Variants in TBC1D31 observed in about 807,000 individuals in gnomAD.
TBC1D31 encodes WD repeat domain 67.
Under a neutral mutation model 132.9 loss-of-function variants are expected in TBC1D31, and 99 were observed. The ratio of observed to expected loss-of-function variants is 0.74; its 90% CI spans 0.63 to 0.88. The LOEUF (loss-of-function observed/expected upper bound fraction) is 0.88. TBC1D31 is among the 40% of genes least tolerant of loss of function. The pLI, the probability that TBC1D31 is intolerant of heterozygous loss-of-function variation, is 0.00. For missense variants in TBC1D31, 1,134 were observed against 1,256.6 expected, an observed-to-expected ratio of 0.90 and a Z score of 1.48; for synonymous variants, 385 against 419.4, an observed-to-expected ratio of 0.92 and a Z score of 1.00.
intron 4 of TBC1D31, among the ~76,000 whole-genome samples, chr8:123,090,148 C>T (rs146577755): frequency 1.3e-5 from 2 of 152,254 alleles, no homozygotes; most frequent in East Asian, 3.9e-4. Context: ...CATGAACCTT[C>T]ATTTTAAATA....
chr8:123,086,477 CAG>C (rs1563676647), intron 4 of TBC1D31, among the ~76,000 whole-genome samples: 1 of 152,122 alleles, frequency 6.6e-6, no homozygotes. Context: ...AGGCTTTCTG[CAG>C]AGTCAGGCCT....
At chr8:123,152,494 C>T (rs1822867289), downstream of TBC1D31, among the ~76,000 whole-genome samples, 1 of 152,176 alleles carries the variant, frequency 6.6e-6, no homozygotes, top group Non-Finnish European at 1.5e-5. Flanking sequence ...CCTCCACTTC[C>T]TAGCTCCAGA....
At chr8:123,134,538 A>G (rs79026519) in intron 17 of TBC1D31, among the ~76,000 whole-genome samples, 52 of 152,148 alleles carry the variant, frequency 3.4e-4, no homozygotes, top group Middle Eastern at 3.4e-3. Context: ...CAAAAAAAAA[A>G]GAAGGAAAAA....
chr8:123,131,763 CT>C (rs67502069), intron 16 of TBC1D31, among the ~76,000 whole-genome samples: 41,954 of 151,718 alleles, frequency 0.28, 5,856 homozygotes, highest in Admixed American at 0.34. Flanking sequence ...ACAGTTTCAG[CT>C]GTTTTAAGTC....
In TBC1D31 at chr8:123,142,546, C is replaced by T. The variant is rs1038825315; in HGVS notation, c.2835+90C>T. 15 of 1,113,896 alleles carry T rather than the reference C, an allele frequency of 1.3e-5. No homozygotes were observed. In the Admixed American group the frequency reaches 2.1e-4, roughly 16 times the overall value. The allele number at this position is 1,113,896 out of a possible 1,614,324, so 69.0% of individuals were successfully genotyped here. A position where few individuals can be genotyped will look rare whatever the true frequency, so the allele number is the denominator to read the frequency against. ...AGAGTCTCACTTTGTTGTACAGCCTCGAAATTCAAACTCGGGGCCTTAAGC... is the reference window on the plus strand; with the variant it reads ...AGAGTCTCACTTTGTTGTACAGCCTTGAAATTCAAACTCGGGGCCTTAAGC... On this transcript the variant is annotated intron_variant, in intron 19 of 21. Transcript: ENST00000287380.
At chr8:123,141,844 CTTTTTTTTTTTTTTTTT>C (rs1160750679) in intron 18 of TBC1D31, among the ~76,000 whole-genome samples, 91 of 52,072 alleles carry the variant, frequency 1.7e-3, no homozygotes, top group African/African-American at 7.2e-3. Context: ...TTGAAGAGCT[CTTTTTTTTTTTTTTTTT>C]TTTTTTTTTT....
intron 11 of TBC1D31, among the ~76,000 whole-genome samples, chr8:123,124,683 T>TTGGGA (rs1819857915): frequency 6.6e-6 from 1 of 151,848 alleles, no homozygotes; most frequent in Non-Finnish European, 1.5e-5. Context: ...ATCCCAGCAC[T>TTGGGA]TGGGATGGCC....
chr8:123,134,570 C>T (rs951464783), intron 17 of TBC1D31, among the ~76,000 whole-genome samples: 13 of 151,974 alleles, frequency 8.6e-5, no homozygotes, highest in African/African-American at 3.1e-4. Flanking sequence ...TTTGTATAAG[C>T]CCATTTTAGA....
Position 123,084,274 on chromosome 8 carries a change from A to T in TBC1D31, c.453A>T (p.Leu151Phe). Residue 151 changes from leucine (L) to phenylalanine (F), a missense_variant, in exon 4 of 22, where the codon TTA (leucine) becomes TTT (phenylalanine). Physicochemically the swap from Leu to Phe is conservative, Grantham distance 22 (BLOSUM62 0). Coordinates refer to ENST00000287380, the MANE Select transcript of TBC1D31 (RefSeq NM_145647.4). ...AITTSSDTAQ[L>F]WDLDTFQRKR... is the part of the protein sequence containing the mutation. ...CAACTTCTTCTGATACAGCACAATT[A>T]TGGGACTTGGATACCTTTCAGAGAA... 6.2e-7 allele frequency: 1 copy of T among 1,614,184 alleles called. No individual in the cohort carries two copies. Among genetic ancestry groups the T allele is most frequent in the Non-Finnish European group, 8.5e-7 (1 of 1,180,024 alleles).
At chr8:123,145,520 T>C (rs1822112838) in intron 20 of TBC1D31, among the ~76,000 whole-genome samples, 1 of 152,190 alleles carries the variant, frequency 6.6e-6, no homozygotes, top group Admixed American at 6.5e-5. Context: ...TAGGTTTCGA[T>C]ACAAGGCTTA....
rs757546759 is a variant in TBC1D31, at chr8:123,144,769, C to T, written c.2888C>T (p.Ser963Phe). The change falls in exon 20 of 22, where the codon TCT becomes TTT. Residue 963 changes from serine (S) to phenylalanine (F), a missense_variant. By Grantham distance (155) the Ser-to-Phe change is radical (BLOSUM62 -2). Coordinates refer to ENST00000287380, the MANE Select transcript of TBC1D31 (RefSeq NM_145647.4). ...CGTTTGAGATCAGCAAAGAAAGCTT[C>T]TGCTCTTTCAGATGCGTCTAGAAAG... is the stretch of plus-strand genomic sequence containing the variant. ...EFRLRSAKKA[S>F]ALSDASRKWF... 11 of 1,613,206 alleles carry T rather than the reference C, an allele frequency of 6.8e-6. No homozygotes were observed. Among genetic ancestry groups the T allele is most frequent in the Middle Eastern group, 1.7e-4 (1 of 6,060 alleles).
chr8:123,146,503 TC>T (rs376433019), intron 20 of TBC1D31, among the ~76,000 whole-genome samples: 160 of 152,332 alleles, frequency 1.1e-3, no homozygotes, highest in African/African-American at 3.1e-3. Context: ...AGTACTTCAT[TC>T]CTTTTTATTG....
intron 4 of TBC1D31, among the ~76,000 whole-genome samples, chr8:123,093,010 C>T (rs1343551933): frequency 6.6e-6 from 1 of 151,928 alleles, no homozygotes; most frequent in Non-Finnish European, 1.5e-5. Flanking sequence ...CGAGGTTTCA[C>T]CTTGTTGGTC....
At chr8:123,075,540 A>T (rs1012222248) in intron 1 of TBC1D31, among the ~76,000 whole-genome samples, 1 of 152,070 alleles carries the variant, frequency 6.6e-6, no homozygotes, top group Non-Finnish European at 1.5e-5. Context: ...TGTCTCTACT[A>T]AAAATACAAA....
chr8:123,159,486 T>A, the TBC1D31 span, among the ~76,000 whole-genome samples: 7 of 152,094 alleles, frequency 4.6e-5, no homozygotes, highest in African/African-American at 1.7e-4. Context: ...TATTTGCTAG[T>A]ATTTGCACAC....
At chr8:123,157,416 T>C in the TBC1D31 span, among the ~76,000 whole-genome samples, 297 of 152,276 alleles carry the variant, frequency 2.0e-3, 1 homozygote, top group African/African-American at 7.0e-3. Context: ...CTCGGAATTC[T>C]AGTTCCGCTG....
In TBC1D31 at chr8:123,084,177, T is replaced by G; in HGVS notation, c.356T>G (p.Val119Gly). Residue 119 changes from valine to glycine, a missense_variant, in exon 4 of 22, where the codon GTT becomes GGT. Transcript: ENST00000287380. ...KCFDTVTKEL[V>G]SWMRGHESSV... Reference sequence around the variant, plus strand: ...TTTACCACAGTCACCAAGGAGCTAGTTAGCTGGATGAGAGGACATGAATCA... The same window carrying G: ...TTTACCACAGTCACCAAGGAGCTAGGTAGCTGGATGAGAGGACATGAATCA... The G allele has an allele frequency of 1.2e-6, 2 of 1,614,106 alleles. No individual in the cohort carries two copies. Among genetic ancestry groups the G allele is most frequent in the Non-Finnish European group, 8.5e-7 (1 of 1,179,980 alleles).
chr8:123,161,735 G>T, the TBC1D31 span, among the ~76,000 whole-genome samples: 2 of 151,866 alleles, frequency 1.3e-5, no homozygotes, highest in Non-Finnish European at 2.9e-5. Flanking sequence ...ATACCCAATG[G>T]GCCCGGTGCA....
chr8:123,121,744 T>A lies in TBC1D31; in HGVS notation c.1570+1556T>A, dbSNP rs557325991. On this transcript the variant is annotated intron_variant, in intron 11 of 21. Transcript: ENST00000287380. ...ACCCTTTTCTTTATAAATTAGCCAG[T>A]CTCAGGTATTTCTTTATAGCAATAG... Among the ~76,000 whole-genome samples the A allele has an allele frequency of 6.6e-5, 10 of 152,260 alleles. No individual in the cohort carries two copies. The South Asian group carries it at 2.1e-3, about 32-fold the overall frequency.
Sources: allele counts gnomAD v4.1 joint callset (sites outside exome capture counted in the v4.1 genomes callset), GRCh38; gene constraint gnomAD v4.1.1; transcripts MANE v1.5; gene names NCBI Gene and HGNC (gene_info 2026-07-23, HGNC 2026-07-21).